TXK: variants seen among roughly 807,000 people sequenced by gnomAD.
TXK encodes TXK tyrosine kinase, also known as tyrosine-protein kinase TXK.
Under a neutral mutation model 81.0 loss-of-function variants are expected in TXK, and 60 were observed. The ratio of observed to expected loss-of-function variants is 0.74; its 90% confidence interval spans 0.60 to 0.92. The LOEUF (loss-of-function observed/expected upper bound fraction) is 0.92, where lower values mean the gene tolerates loss of function less well. Among genes scored for constraint, TXK ranks in the 40% least tolerant of loss-of-function variants. The pLI, the probability that TXK is intolerant of heterozygous loss-of-function variation, is 0.00. For missense variants in TXK, 581 were observed against 638.3 expected, an observed-to-expected ratio of 0.91 and a Z score of 0.97; for synonymous variants, 203 against 210.7, an observed-to-expected ratio of 0.96 and a Z score of 0.32.
At chr4:48,080,782 T>C (rs1276328138) in intron 10 of TXK, among the ~76,000 whole-genome samples, 2 of 152,052 alleles carry the variant, frequency 1.3e-5, no homozygotes, top group Admixed American at 1.3e-4. Context: ...TGGTTTTGTG[T>C]GCGTGTGTGT....
At chr4:48,102,483 T>C (rs917002421) in intron 6 of TXK, among the ~76,000 whole-genome samples, 2 of 152,234 alleles carry the variant, frequency 1.3e-5, no homozygotes, top group African/African-American at 2.4e-5. Flanking sequence ...ACTGTGAAAC[T>C]ACTTGCCACC....
intron 10 of TXK, among the ~76,000 whole-genome samples, chr4:48,083,049 GC>G (rs1717371682): frequency 6.6e-6 from 1 of 152,208 alleles, no homozygotes; most frequent in Non-Finnish European, 1.5e-5. Flanking sequence ...TGTCATACTG[GC>G]CCCCTGCCCT....
chr4:48,128,847 G>A (rs903574065), intron 1 of TXK, among the ~76,000 whole-genome samples: 7 of 151,900 alleles, frequency 4.6e-5, no homozygotes, highest in East Asian at 1.9e-4. Flanking sequence ...GATTACAGGC[G>A]TGAGCCACCG....
chr4:48,078,019 G>C (rs1717137022), intron 11 of TXK, among the ~76,000 whole-genome samples: 1 of 152,146 alleles, frequency 6.6e-6, no homozygotes, highest in South Asian at 2.1e-4. Context: ...CTGGGTTTCA[G>C]CCACAGAGAT....
chr4:48,093,924 A>AGAAAGATAATTGCTC (rs1260239963), intron 8 of TXK, among the ~76,000 whole-genome samples, 153 bp downstream of exon 8: 1 of 152,240 alleles, frequency 6.6e-6, no homozygotes, highest in Non-Finnish European at 1.5e-5. Context: ...GGCATCAATA[A>AGAAAGATAATTGCTC]GAAAGATAAT....
chr4:48,130,155 C>A (rs1719213676), intron 1 of TXK, among the ~76,000 whole-genome samples: 1 of 152,222 alleles, frequency 6.6e-6, no homozygotes, highest in Admixed American at 6.5e-5. Context: ...ACTCCAGCCC[C>A]AGGCAGAAGG....
At chr4:48,127,285 TGAAG>T (rs1719114672) in intron 1 of TXK, among the ~76,000 whole-genome samples, 2 of 152,220 alleles carry the variant, frequency 1.3e-5, no homozygotes, top group African/African-American at 4.8e-5. Flanking sequence ...ATTTACAGGT[TGAAG>T]TGTTGGGCCA....
rs553885341 is a variant in TXK at position 48,115,724 on chromosome 4, G to C, written c.17-1322C>G. ...AAAAAAATTAGCCAGGCATGGTGGT[G>C]CATGCCTGTAGTCTTCAATACTCAG... On this transcript the variant is annotated intron_variant, in intron 1 of 14. Transcript: ENST00000264316. Among the ~76,000 whole-genome samples the C allele has an allele frequency of 4.3e-3, 661 of 152,172 alleles. 6 individuals carry two copies. Among genetic ancestry groups the C allele is most frequent in the African/African-American group, 0.015 (630 of 41,522 alleles).
At chr4:48,077,575 G>T (rs1314305865) in intron 11 of TXK, among the ~76,000 whole-genome samples, 1 of 151,824 alleles carries the variant, frequency 6.6e-6, no homozygotes, top group African/African-American at 2.4e-5. Context: ...CAAATAAAAT[G>T]ACCGGAACTT....
chr4:48,086,783 C>T (rs1577657346), intron 9 of TXK, 146 bp from the exon 10 acceptor site: 1 of 683,576 alleles, frequency 1.5e-6, no homozygotes, highest in East Asian at 2.7e-5. Flanking sequence ...TTTTAATACT[C>T]TCACTGTGGC....
chr4:48,097,736 A>G (rs1283735122), intron 6 of TXK, among the ~76,000 whole-genome samples: 2 of 147,398 alleles, frequency 1.4e-5, no homozygotes, highest in African/African-American at 5.1e-5. Context: ...GCACCCAGCC[A>G]AAAGCTACCA....
chr4:48,113,031 C>T (rs1050720106), intron 3 of TXK, among the ~76,000 whole-genome samples, 176 bp downstream of exon 3: 4 of 151,902 alleles, frequency 2.6e-5, no homozygotes, highest in Non-Finnish European at 5.9e-5. Flanking sequence ...CCTATTTTAA[C>T]TGGTCTTTTC....
chr4:48,086,689 A>G (rs965217257), intron 9 of TXK, 52 bp from the exon 10 acceptor site: 2 of 1,531,928 alleles, frequency 1.3e-6, no homozygotes, highest in African/African-American at 2.7e-5. Context: ...CTGTTAAAAT[A>G]TTAGGGCTGG....
intron 5 of TXK, chr4:48,109,520 C>A: frequency 6.6e-6 from 1 of 152,056 alleles, no homozygotes; most frequent in Non-Finnish European, 1.5e-5. Context: ...GACAGGAGGC[C>A]AAGTGAAGGT....
rs141923756 is a variant in TXK, at chr4:48,084,989, C to T, written c.956+1477G>A. ...TGGAGTCTGCAAGTGCGGGTCAGAA[C>T]TAAATTTCTCTGGAAAACAGAGCAG... On this transcript the variant is annotated intron_variant, in intron 10 of 14. Coordinates refer to ENST00000264316, the MANE Select transcript of TXK (RefSeq NM_003328.3). Among the ~76,000 whole-genome samples the T allele has an allele frequency of 3.2e-3, 490 of 152,208 alleles. 1 individual carries two copies. The highest frequency in any genetic ancestry group is 0.014 in the Middle Eastern group (4 of 294).
intron 8 of TXK, among the ~76,000 whole-genome samples, chr4:48,092,919 T>C (rs1365360167): frequency 3.3e-5 from 5 of 151,910 alleles, no homozygotes; most frequent in African/African-American, 9.7e-5. Context: ...GGTAAAGGAG[T>C]CTTGAGAATG....
At chr4:48,105,579 A>T (rs903468525) in intron 5 of TXK, among the ~76,000 whole-genome samples, 13 of 152,148 alleles carry the variant, frequency 8.5e-5, no homozygotes, top group East Asian at 3.8e-4. Context: ...ATTGGATAAA[A>T]TGTTCACTAT....
At chr4:48,098,719 T>C (rs2064989550) in intron 6 of TXK, among the ~76,000 whole-genome samples, 1 of 151,818 alleles carries the variant, frequency 6.6e-6, no homozygotes, top group South Asian at 2.1e-4. Flanking sequence ...CCCAGCACTT[T>C]GGGAGACCGA....
chr4:48,095,098 G>T, intron 7 of TXK, 45 bp downstream of exon 7: 1 of 1,422,288 alleles, frequency 7.0e-7, no homozygotes, highest in Non-Finnish European at 9.9e-7. Flanking sequence ...GATGGAGACT[G>T]TGCCAGGGAT....
Sources: allele counts gnomAD v4.1 joint callset (sites outside exome capture counted in the v4.1 genomes callset), GRCh38; gene constraint gnomAD v4.1.1; transcripts MANE v1.5; gene names NCBI Gene and HGNC (gene_info 2026-07-23, HGNC 2026-07-21).